SNRK: variants seen among roughly 807,000 people sequenced by gnomAD.
SNRK encodes SNF related kinase.
A neutral mutation model predicts 48.2 loss-of-function variants in SNRK; 3 were observed. The ratio of observed to expected loss-of-function variants is 0.06; its 90% CI spans 0.03 to 0.16. The LOEUF (loss-of-function observed/expected upper bound fraction) is 0.16, where lower values mean the gene tolerates loss of function less well. Ranked by LOEUF, SNRK falls within the 10% of genes least tolerant of loss-of-function variation. SNRK has a pLI of 1.00. For synonymous variants in SNRK, 376 were observed against 366.1 expected, an observed-to-expected ratio of 1.03 and a Z score of -0.31; for missense variants, 627 against 976.0, an observed-to-expected ratio of 0.64 and a Z score of 4.76.
chr3:43,323,826 C>G (rs114289728), intron 3 of SNRK, among the ~76,000 whole-genome samples: 2,271 of 152,228 alleles, frequency 0.015, 62 homozygotes, highest in African/African-American at 0.051. Context: ...GCAAAACAGT[C>G]TGCATTATTG....
intron 3 of SNRK, among the ~76,000 whole-genome samples, chr3:43,323,139 A>G (rs1206172225): frequency 2.6e-5 from 4 of 152,108 alleles, no homozygotes; most frequent in Admixed American, 6.5e-5. Context: ...ATCCATATGC[A>G]ATAAAATGAA....
intron 3 of SNRK, among the ~76,000 whole-genome samples, chr3:43,312,070 G>A (rs2090982619): frequency 1.3e-5 from 2 of 152,048 alleles, no homozygotes; most frequent in Admixed American, 6.6e-5. Context: ...TCTCACCTAA[G>A]GTTTGGAGTC....
intron 1 of SNRK, 25 bp from the exon 2 acceptor site, chr3:43,299,729 T>C (rs1334193370): frequency 6.6e-6 from 1 of 152,654 alleles, no homozygotes; most frequent in South Asian, 2.1e-4. Flanking sequence ...ACTAAACCTG[T>C]ATCTTTTTCT....
At position 43,303,326 on chromosome 3, in the gene SNRK, G is replaced by T. The variant is rs2090912306; in HGVS notation, c.123G>T (p.Lys41Asn). Residue 41 changes from lysine (K) to asparagine (N), a missense_variant, in exon 3 of 7, where the codon AAG (lysine) becomes AAT (asparagine). By Grantham distance (94) the Lys-to-Asn change is moderately conservative. This residue lies in a region of SNRK where 147 missense variants were observed against 356.8 expected (regional missense o/e 0.41). Transcript: ENST00000296088. This position sits in a 1 kb window ranked among gnomAD's most constrained non-coding sequence, Gnocchi z 6.2. ...CCAGGCATGTCTTTACGGGTGAAAA[G>T]GTGGCAGTAAAAGTTATTGACAAGA... is the stretch of plus-strand genomic sequence containing the variant. ...KLARHVFTGEKVAVKVIDKTK... is the reference protein window; with the variant it reads ...KLARHVFTGENVAVKVIDKTK... 2.5e-6 allele frequency: 4 copies of T among 1,614,096 alleles called. No individual in the cohort carries two copies. The highest frequency in any genetic ancestry group is 3.4e-6 in the Non-Finnish European group (4 of 1,180,004).
At position 43,348,132 on chromosome 3, in the gene SNRK, C is replaced by T. The variant is rs531886799; in HGVS notation, c.1873C>T (p.Arg625Cys). The change falls in exon 7 of 7, where the codon CGC becomes TGC. Residue 625 changes from arginine (R) to cysteine (C), a missense_variant. Physicochemically the swap from Arg to Cys is radical, Grantham distance 180. Coordinates refer to ENST00000296088, the MANE Select transcript of SNRK (RefSeq NM_017719.5). ...CACCAATACATCGGGTACCACACGC[C>T]GCTGTGCCGGCCCCAGCAACTCCAT... is the stretch of plus-strand genomic sequence containing the variant. The part of the protein sequence containing the change: ...NPTNTSGTTR[R>C]CAGPSNSMQL... 8.2e-5 allele frequency: 129 copies of T among 1,581,026 alleles called. 1 individual carries two copies. The highest frequency in any genetic ancestry group is 6.9e-4 in the Middle Eastern group (4 of 5,832).
Position 43,347,241 on chromosome 3 carries a change from C to T in SNRK, c.1080-98C>T. On this transcript the variant is annotated intron_variant, in intron 6 of 6. Transcript: ENST00000296088. The surrounding 1 kb of genome is among the most constrained non-coding windows in gnomAD (Gnocchi z 5.4). ...AAGGCTGCTGCTTTTTTCTTTAAGTCTGTAGATTTTGTCCCAGTAAGTTCA... is the reference window on the plus strand; with the variant it reads ...AAGGCTGCTGCTTTTTTCTTTAAGTTTGTAGATTTTGTCCCAGTAAGTTCA... 7.8e-7 allele frequency: 1 copy of T among 1,283,610 alleles called. No individual in the cohort carries two copies. The highest frequency in any genetic ancestry group is 1.1e-6 in the Non-Finnish European group (1 of 951,484). The allele number at this position is 1,283,610 out of a possible 1,614,324, so 79.5% of individuals were successfully genotyped here.
chr3:43,303,992 A>G lies in SNRK; in HGVS notation c.589+200A>G, dbSNP rs181262806. ...CCTTTAGATGGCAAATGTCTAAAGT[A>G]TATTTGTGAGTACAAAGGAAAATGA... On this transcript the variant is annotated intron_variant, in intron 3 of 6. Coordinates refer to ENST00000296088, the MANE Select transcript of SNRK (RefSeq NM_017719.5). This position sits in a 1 kb window ranked among gnomAD's most constrained non-coding sequence, Gnocchi z 6.2. Among the ~76,000 whole-genome samples the G allele has an allele frequency of 2.4e-3, 364 of 152,362 alleles. 1 individual carries two copies. The highest frequency in any genetic ancestry group is 6.9e-3 in the Admixed American group (106 of 15,304).
chr3:43,311,555 T>G (rs190214005), intron 3 of SNRK, among the ~76,000 whole-genome samples: 4 of 152,318 alleles, frequency 2.6e-5, no homozygotes, highest in Non-Finnish European at 4.4e-5. Flanking sequence ...AGGATCTGTG[T>G]GAAAAATCCT....
intron 3 of SNRK, among the ~76,000 whole-genome samples, chr3:43,306,805 T>G (rs2090941614): frequency 6.6e-6 from 1 of 152,202 alleles, no homozygotes; most frequent in African/African-American, 2.4e-5. Context: ...AAAAGTTATT[T>G]AGAAAGGTGT....
At chr3:43,346,198 T>C (rs1319320147) in intron 6 of SNRK, among the ~76,000 whole-genome samples, 2 of 152,234 alleles carry the variant, frequency 1.3e-5, no homozygotes, top group African/African-American at 2.4e-5. Flanking sequence ...CTTCAGAGAA[T>C]ACTGCTTCTT....
chr3:43,299,167 T>G (rs909840051), intron 1 of SNRK, among the ~76,000 whole-genome samples: 2 of 152,262 alleles, frequency 1.3e-5, no homozygotes, highest in African/African-American at 4.8e-5. Flanking sequence ...ATGGCAATTG[T>G]ACTGTTGTTC....
At chr3:43,297,427 C>A (rs2090864122) in intron 1 of SNRK, among the ~76,000 whole-genome samples, 1 of 152,094 alleles carries the variant, frequency 6.6e-6, no homozygotes, top group Admixed American at 6.5e-5. Flanking sequence ...TCTCTTTTTA[C>A]CCTGACATCC....
chr3:43,327,341 A>G (rs2091104187), intron 3 of SNRK, among the ~76,000 whole-genome samples: 1 of 152,244 alleles, frequency 6.6e-6, no homozygotes, highest in Non-Finnish European at 1.5e-5. Context: ...CATTAGTGTT[A>G]GGTCATATGT....
At chr3:43,338,380 T>C (rs1269636187) in intron 4 of SNRK, among the ~76,000 whole-genome samples, 4 of 152,256 alleles carry the variant, frequency 2.6e-5, no homozygotes, top group Non-Finnish European at 4.4e-5. Flanking sequence ...AGTTATTTTC[T>C]CTCAGCTCAT....
At chr3:43,338,946 T>C (rs2091211863) in intron 4 of SNRK, among the ~76,000 whole-genome samples, 2 of 152,204 alleles carry the variant, frequency 1.3e-5, no homozygotes, top group Admixed American at 1.3e-4. Context: ...ACATTTTACA[T>C]CTGAAAATTT....
At chr3:43,290,314 T>A (rs2090801328) in intron 1 of SNRK, among the ~76,000 whole-genome samples, 2 of 152,234 alleles carry the variant, frequency 1.3e-5, no homozygotes, top group Admixed American at 1.3e-4. Flanking sequence ...CCCTTTCTAA[T>A]AAAGCTGGGT....
chr3:43,344,832 T>C (rs2091263353), intron 6 of SNRK, among the ~76,000 whole-genome samples: 1 of 152,068 alleles, frequency 6.6e-6, no homozygotes, highest in Non-Finnish European at 1.5e-5. Flanking sequence ...CCAAGGCAGA[T>C]CATCACTACT....
chr3:43,344,031 G>C (rs2091256744), intron 6 of SNRK, among the ~76,000 whole-genome samples: 1 of 152,134 alleles, frequency 6.6e-6, no homozygotes, highest in South Asian at 2.1e-4. Context: ...TAAAACAAAA[G>C]TAACAATGCT....
chr3:43,329,069 A>T (rs1575551883), intron 3 of SNRK, among the ~76,000 whole-genome samples: 1 of 152,238 alleles, frequency 6.6e-6, no homozygotes, highest in Non-Finnish European at 1.5e-5. Context: ...AACACATTTT[A>T]AAATAATTTG....
Sources: gnomAD v4.1 joint callset for allele counts (sites outside exome capture counted in the v4.1 genomes callset) on GRCh38, gnomAD v4.1.1 for gene constraint, gnomAD v4.1.1 regional missense constraint, Gnocchi (gnomAD v3.1) non-coding constraint, MANE v1.5 for transcripts, NCBI Gene and HGNC (gene_info 2026-07-23, HGNC 2026-07-21) for gene names.